Variants in HERC3 observed in about 807,000 individuals in gnomAD.
HERC3 encodes the protein HECT and RLD domain containing E3 ubiquitin protein ligase 3, also known as probable E3 ubiquitin-protein ligase HERC3.
HERC3 carries 58 observed loss-of-function variants against 129.9 expected under a neutral mutation model. That is an observed-to-expected ratio of 0.45 (90% CI 0.36 to 0.56). The LOEUF (loss-of-function observed/expected upper bound fraction) is 0.56, where lower values mean the gene tolerates loss of function less well. Among genes scored for constraint, HERC3 ranks in the 20% least tolerant of loss-of-function variants. HERC3 has a pLI of 0.00. For missense variants in HERC3, 835 were observed against 1,244.2 expected (o/e 0.67, Z 4.95); for synonymous variants, 430 against 451.0 (o/e 0.95, Z 0.59).
At chr4:88,614,557 C>T (rs1221308160) in intron 3 of HERC3, among the ~76,000 whole-genome samples, 1 of 151,978 alleles carries the variant, frequency 6.6e-6, no homozygotes, top group African/African-American at 2.4e-5. Flanking sequence ...TACTAAGAAA[C>T]AATTCCCTTT....
At chr4:88,636,598 A>T (rs1194040466) in intron 3 of HERC3, among the ~76,000 whole-genome samples, 1 of 152,208 alleles carries the variant, frequency 6.6e-6, no homozygotes, top group African/African-American at 2.4e-5. Context: ...CAGACAATTA[A>T]CAAGGATATT....
At chr4:88,526,171 T>C in the HERC3 span, among the ~76,000 whole-genome samples, 33 of 152,344 alleles carry the variant, frequency 2.2e-4, no homozygotes, top group Non-Finnish European at 4.1e-4. Flanking sequence ...AACATTCTGA[T>C]GGAAAGGGAA....
chr4:88,589,452 T>C (rs73844014), upstream of HERC3, among the ~76,000 whole-genome samples: 204 of 152,364 alleles, frequency 1.3e-3, 1 homozygote, highest in African/African-American at 4.5e-3. Flanking sequence ...CAAGTATATA[T>C]TCCTTGGTAC....
intron 3 of HERC3, among the ~76,000 whole-genome samples, chr4:88,611,078 ATAAG>A (rs753811119): frequency 2.0e-5 from 3 of 152,338 alleles, no homozygotes; most frequent in Non-Finnish European, 4.4e-5. Flanking sequence ...TAAATTTGGA[ATAAG>A]GCAGGCTGTA....
chr4:88,631,824 G>A (rs1726797949), intron 3 of HERC3, among the ~76,000 whole-genome samples: 1 of 152,138 alleles, frequency 6.6e-6, no homozygotes. Flanking sequence ...AAAAAATCTG[G>A]CCCTGAGTTT....
chr4:88,543,276 C>A, the HERC3 span, among the ~76,000 whole-genome samples: 1 of 152,166 alleles, frequency 6.6e-6, no homozygotes, highest in South Asian at 2.1e-4. Context: ...ATATCACAAG[C>A]ATTCCTATAC....
At chr4:88,590,895 T>A (rs1721666485), upstream of HERC3, among the ~76,000 whole-genome samples, 1 of 151,714 alleles carries the variant, frequency 6.6e-6, no homozygotes, top group Non-Finnish European at 1.5e-5. Flanking sequence ...TTCTTTTTTT[T>A]TTTTTTTTGA....
At chr4:88,564,713 G>A in the HERC3 span, among the ~76,000 whole-genome samples, 60,500 of 151,828 alleles carry the variant, frequency 0.4, 14,504 homozygotes, top group African/African-American at 0.68. Context: ...GTATTTTTAA[G>A]TTTCATTTCT....
chr4:88,538,580 G>C, the HERC3 span, among the ~76,000 whole-genome samples: 1 of 136,776 alleles, frequency 7.3e-6, no homozygotes, highest in African/African-American at 2.8e-5. Context: ...GTCTCGCTCT[G>C]TCACCCAGGC....
chr4:88,561,947 A>G, the HERC3 span, among the ~76,000 whole-genome samples: 1 of 152,182 alleles, frequency 6.6e-6, no homozygotes, highest in Non-Finnish European at 1.5e-5. Flanking sequence ...ATACTGCTTC[A>G]ATAAACATGA....
intron 3 of HERC3, among the ~76,000 whole-genome samples, chr4:88,640,791 A>G (rs1320914270): frequency 1.3e-5 from 2 of 152,244 alleles, no homozygotes; most frequent in Non-Finnish European, 2.9e-5. Flanking sequence ...AAATGTGTGT[A>G]TACCTAACAA....
chr4:88,684,770 T>C (rs946369013), intron 21 of HERC3: 4 of 152,000 alleles, frequency 2.6e-5, no homozygotes, highest in African/African-American at 9.7e-5. Flanking sequence ...TTAAGCAAAT[T>C]TACAAGAAAA....
At chr4:88,673,440 C>T (rs1731825167) in intron 16 of HERC3, among the ~76,000 whole-genome samples, 2 of 152,170 alleles carry the variant, frequency 1.3e-5, no homozygotes, top group Admixed American at 1.3e-4. Context: ...TTATTCATTG[C>T]TTCTATTTCA....
intron 2 of HERC3, among the ~76,000 whole-genome samples, chr4:88,599,671 G>T (rs1323337866): frequency 6.6e-6 from 1 of 152,140 alleles, no homozygotes; most frequent in Non-Finnish European, 1.5e-5. Context: ...ATCCTAATAA[G>T]ACTGAGATGC....
At chr4:88,623,174 G>A (rs374161848) in intron 3 of HERC3, among the ~76,000 whole-genome samples, 36 of 152,290 alleles carry the variant, frequency 2.4e-4, no homozygotes, top group African/African-American at 8.4e-4. Context: ...ATTTCTGGTC[G>A]TCCTGAAGTT....
intron 21 of HERC3, among the ~76,000 whole-genome samples, chr4:88,682,492 G>T (rs1198211400): frequency 9.9e-6 from 1 of 100,772 alleles, no homozygotes; most frequent in Non-Finnish European, 1.9e-5. Flanking sequence ...CCCACAACAG[G>T]CCCCAGTGTG....
At chr4:88,654,486 A>G (rs1225265587) in intron 7 of HERC3, among the ~76,000 whole-genome samples, 1 of 146,340 alleles carries the variant, frequency 6.8e-6, no homozygotes, top group African/African-American at 2.5e-5. Flanking sequence ...GTATATATTT[A>G]TATATATATA....
chr4:88,633,775 A>T (rs751482737), intron 3 of HERC3, among the ~76,000 whole-genome samples: 15 of 152,360 alleles, frequency 9.8e-5, no homozygotes, highest in Non-Finnish European at 1.8e-4. Context: ...TAAGAAATTG[A>T]CTTCAAAAAT....
At chr4:88,690,050 C>G in intron 23 of HERC3, 1 of 985,214 alleles carries the variant, frequency 1.0e-6, no homozygotes, top group South Asian at 4.7e-5. Context: ...CACCCAGACA[C>G]CCAACAAAAC....
Sources: gnomAD v4.1 joint callset for allele counts (sites outside exome capture counted in the v4.1 genomes callset) on GRCh38, gnomAD v4.1.1 for gene constraint, MANE v1.5 for transcripts, NCBI Gene and HGNC (gene_info 2026-07-23, HGNC 2026-07-21) for gene names.